CDH12: variants seen among roughly 807,000 people sequenced by gnomAD.
The protein encoded by CDH12 is cadherin 12.
CDH12 carries 41 observed loss-of-function variants against 74.1 expected under a neutral mutation model. That is an observed-to-expected ratio of 0.55 (90% CI 0.43 to 0.72). The LOEUF (loss-of-function observed/expected upper bound fraction) is 0.72, where lower values mean the gene tolerates loss of function less well. CDH12 is among the 30% of genes least tolerant of loss of function. CDH12 has a pLI of 0.00. For missense variants in CDH12, 945 were observed against 977.2 expected, an observed-to-expected ratio of 0.97 and a Z score of 0.44; for synonymous variants, 399 against 355.0, an observed-to-expected ratio of 1.12 and a Z score of -1.39.
At chr5:22,352,139 T>C (rs78149346) in intron 3 of CDH12, among the ~76,000 whole-genome samples, 1 of 151,916 alleles carries the variant, frequency 6.6e-6, no homozygotes, top group Non-Finnish European at 1.5e-5. Context: ...TTTTTTTTTT[T>C]AATTTGGAAA....
chr5:22,788,519 A>G (rs556592189), intron 1 of CDH12, among the ~76,000 whole-genome samples: 6 of 149,304 alleles, frequency 4.0e-5, no homozygotes, highest in Admixed American at 2.0e-4. Context: ...TCTTTATAAT[A>G]TAAAAATTTA....
At chr5:22,276,750 G>A (rs1185032453) in intron 3 of CDH12, among the ~76,000 whole-genome samples, 9 of 152,058 alleles carry the variant, frequency 5.9e-5, no homozygotes, top group African/African-American at 1.9e-4. Flanking sequence ...GCAGTGGCGC[G>A]ATCTCAGCTC....
At chr5:22,145,349 A>G (rs1010632892) in intron 4 of CDH12, among the ~76,000 whole-genome samples, 3 of 152,044 alleles carry the variant, frequency 2.0e-5, no homozygotes, top group African/African-American at 7.2e-5. Flanking sequence ...CCTTTTTATG[A>G]GGCCTTTGTT....
At chr5:22,488,339 T>C (rs187197546) in intron 2 of CDH12, among the ~76,000 whole-genome samples, 49 of 152,352 alleles carry the variant, frequency 3.2e-4, no homozygotes, top group African/African-American at 1.2e-3. Context: ...GGTGTCAATT[T>C]ACCTTGCCAT....
chr5:22,344,890 A>C (rs1335661034), intron 3 of CDH12, among the ~76,000 whole-genome samples: 1 of 152,168 alleles, frequency 6.6e-6, no homozygotes, highest in Non-Finnish European at 1.5e-5. Flanking sequence ...GTATCACCCA[A>C]ATTTAACAAT....
Position 22,684,219 on chromosome 5 carries a change from C to T in CDH12, c.-523+168839G>A, listed in dbSNP as rs1043065334. ...GTATAAATTTATGGGACACACGAGACATTTTGATTCAGGCATGCAATGCAC... is the reference window on the plus strand; with the variant it reads ...GTATAAATTTATGGGACACACGAGATATTTTGATTCAGGCATGCAATGCAC... On this transcript the variant is annotated intron_variant, in intron 1 of 14. Transcript: ENST00000382254. Among the ~76,000 whole-genome samples the T allele has an allele frequency of 7.2e-5, 11 of 152,128 alleles. 1 individual carries two copies. The highest frequency in any genetic ancestry group is 3.9e-4 in the Admixed American group (6 of 15,272).
chr5:22,011,984 T>C (rs1445206391), intron 5 of CDH12, among the ~76,000 whole-genome samples: 1 of 152,118 alleles, frequency 6.6e-6, no homozygotes, highest in East Asian at 1.9e-4. Flanking sequence ...TGGCTGACTT[T>C]TATCTCAAAA....
chr5:22,427,022 C>T (rs2126511094), intron 2 of CDH12, among the ~76,000 whole-genome samples: 1 of 152,162 alleles, frequency 6.6e-6, no homozygotes, highest in Middle Eastern at 3.4e-3. Context: ...TTTTCTCTTC[C>T]CCTCTTTCCT....
chr5:22,148,347 C>T lies in CDH12; in HGVS notation c.-187+64151G>A, dbSNP rs566535684. Among the ~76,000 whole-genome samples, 26 of 152,022 alleles carry T rather than the reference C, an allele frequency of 1.7e-4. No homozygotes were observed. In the South Asian group the frequency reaches 5.4e-3, roughly 32 times the overall value. ...AATCTTCACAGTTTTCTGAGTTGTG[C>T]ATTATATGTTGCTACTGTCCACATT... is the stretch of plus-strand genomic sequence containing the variant. On this transcript the variant is annotated intron_variant, in intron 4 of 14. Coordinates refer to ENST00000382254, the MANE Select transcript of CDH12 (RefSeq NM_004061.5).
chr5:22,020,109 GT>G (rs1474846982), intron 5 of CDH12, among the ~76,000 whole-genome samples: 4 of 152,164 alleles, frequency 2.6e-5, no homozygotes, highest in Non-Finnish European at 5.9e-5. Flanking sequence ...ACATGTTGAG[GT>G]TTAAGAATAA....
rs1031368726 is a variant in CDH12, at chr5:22,034,921, C to A, written c.231+43525G>T. 1.4e-4 allele frequency among the ~76,000 whole-genome samples: 21 copies of A among 152,072 alleles called. 1 individual carries two copies. Among genetic ancestry groups the A allele is most frequent in the Admixed American group, 4.6e-4 (7 of 15,258 alleles). Reference sequence around the variant, plus strand: ...AGGTACAGTAAGTCATCGGTTAACGCCATTGACAGGTTCTTGAAATCTACA... The same window carrying A: ...AGGTACAGTAAGTCATCGGTTAACGACATTGACAGGTTCTTGAAATCTACA... On this transcript the variant is annotated intron_variant, in intron 5 of 14. Transcript: ENST00000382254.
chr5:22,310,540 A>G (rs1267065404), intron 3 of CDH12, among the ~76,000 whole-genome samples: 1 of 151,910 alleles, frequency 6.6e-6, no homozygotes, highest in African/African-American at 2.4e-5. Context: ...CAAAACTCTT[A>G]TATCTAATTT....
chr5:22,393,307 T>C (rs1177994691), intron 3 of CDH12, among the ~76,000 whole-genome samples: 1 of 152,148 alleles, frequency 6.6e-6, no homozygotes, highest in African/African-American at 2.4e-5. Context: ...TCAGGAACAC[T>C]AATGACTACC....
intron 6 of CDH12, among the ~76,000 whole-genome samples, chr5:21,877,820 A>T (rs1338015321): frequency 6.6e-6 from 1 of 152,236 alleles, no homozygotes; most frequent in Non-Finnish European, 1.5e-5. Flanking sequence ...GTACAATTCT[A>T]CTTTCCATTA....
At chr5:22,218,260 A>G (rs867595417) in intron 3 of CDH12, among the ~76,000 whole-genome samples, 18 of 151,860 alleles carry the variant, frequency 1.2e-4, no homozygotes, top group Middle Eastern at 3.4e-3. Flanking sequence ...CTCCAAAGAA[A>G]AAAAAGCATA....
intron 4 of CDH12, among the ~76,000 whole-genome samples, chr5:22,138,272 T>C (rs1310390793): frequency 2.0e-5 from 3 of 151,910 alleles, no homozygotes; most frequent in African/African-American, 4.8e-5. Flanking sequence ...GTTCTGAAAG[T>C]TGTTCATCAA....
At chr5:22,540,679 C>T (rs1435157514) in intron 1 of CDH12, among the ~76,000 whole-genome samples, 1 of 152,156 alleles carries the variant, frequency 6.6e-6, no homozygotes, top group Non-Finnish European at 1.5e-5. Flanking sequence ...TCCACCTACA[C>T]ATAAATTTAA....
chr5:22,719,967 G>T (rs1743790624), intron 1 of CDH12, among the ~76,000 whole-genome samples: 1 of 151,894 alleles, frequency 6.6e-6, no homozygotes, highest in African/African-American at 2.4e-5. Context: ...AGACACTTGG[G>T]GCCATGCAAT....
chr5:22,499,432 A>G (rs1234914768), intron 2 of CDH12, among the ~76,000 whole-genome samples: 2 of 152,164 alleles, frequency 1.3e-5, no homozygotes, highest in Non-Finnish European at 2.9e-5. Flanking sequence ...AAAGTTCTGT[A>G]TCTACCTTCT....
Sources: allele counts gnomAD v4.1 joint callset (sites outside exome capture counted in the v4.1 genomes callset), GRCh38; gene constraint gnomAD v4.1.1; transcripts MANE v1.5; gene names NCBI Gene and HGNC (gene_info 2026-07-23, HGNC 2026-07-21).